Variants in DMWD observed in about 807,000 individuals in gnomAD.
DMWD encodes DM1 locus, WD repeat containing, also known as dystrophia myotonica WD repeat-containing protein.
A neutral mutation model predicts 45.8 loss-of-function variants in DMWD; 19 were observed. That is an observed-to-expected ratio of 0.41 (90% confidence interval 0.29 to 0.61). The LOEUF is 0.61. DMWD is among the 20% of genes least tolerant of loss of function. The probability of loss-of-function intolerance (pLI) is 0.25; values close to 1 mark genes in which losing one functional copy is unlikely to be tolerated. For synonymous variants in DMWD, 515 were observed against 440.5 expected (o/e 1.17, Z -2.12); for missense variants, 802 against 965.2 (o/e 0.83, Z 2.24).
chr19:45,785,676 G>C lies in DMWD; in HGVS notation c.1820C>G (p.Thr607Arg). Residue 607 changes from threonine (T) to arginine (R), a missense_variant, in exon 3 of 5, where the codon ACA becomes AGA. Thr to Arg is a moderately conservative substitution (Grantham distance 71). This residue lies in a region of DMWD where 303 missense variants were observed against 332.9 expected (regional missense o/e 0.91). Coordinates refer to ENST00000270223, the MANE Select transcript of DMWD (RefSeq NM_004943.2). ...VCKKIAQERL[T>R]VLLFLEDCII... is the part of the protein sequence containing the mutation. Reference sequence around the variant, plus strand: ...GCAGTCCTCCAGGAACAGGAGGACTGTGAGCCGCTCCTGGGCGATCTTCTT... The same window carrying C: ...GCAGTCCTCCAGGAACAGGAGGACTCTGAGCCGCTCCTGGGCGATCTTCTT... 6.3e-7 allele frequency: 1 copy of C among 1,593,366 alleles called. No homozygotes were observed.
In DMWD at chr19:45,785,382, C is replaced by G. The variant is rs1014099724; in HGVS notation, c.1902+212G>C. Reference sequence around the variant, plus strand: ...AATTCCTAGCTGGCTCTCACACCCACCCCTCTTTCTGCTGCCTGCTGCCTA... The same window carrying G: ...AATTCCTAGCTGGCTCTCACACCCAGCCCTCTTTCTGCTGCCTGCTGCCTA... On this transcript the variant is annotated intron_variant, in intron 3 of 4. Coordinates refer to ENST00000270223, the MANE Select transcript of DMWD (RefSeq NM_004943.2). 85 of 1,251,864 alleles carry G rather than the reference C, an allele frequency of 6.8e-5. No individual in the cohort carries two copies. In the African/African-American group the frequency reaches 1.2e-3, roughly 18 times the overall value. The allele number at this position is 1,251,864 out of a possible 1,614,324, so 77.5% of individuals were successfully genotyped here. A position where few individuals can be genotyped will look rare whatever the true frequency, so the allele number is the denominator to read the frequency against.
Position 45,786,596 on chromosome 19 carries a change from G to A in DMWD, c.900C>T (p.Ala300=). 2 of 1,613,870 alleles carry A rather than the reference G, an allele frequency of 1.2e-6. No individual in the cohort carries two copies. The highest frequency in any genetic ancestry group is 1.7e-6 in the Non-Finnish European group (2 of 1,179,886). ...GCAGGCAGCCATCCTGGCTCACACAGGCCAGGTGCCGGCCATCGGGCGAGA... is the reference window on the plus strand; with the variant it reads ...GCAGGCAGCCATCCTGGCTCACACAAGCCAGGTGCCGGCCATCGGGCGAGA... ...FAFSPDGRHL[A]CVSQDGCLRV... Residue 300 remains alanine, a synonymous_variant, in exon 3 of 5, where the codon GCC becomes GCT. Transcript: ENST00000270223.
intron 2 of DMWD, among the ~76,000 whole-genome samples, chr19:45,789,070 C>T (rs1373987870): frequency 6.6e-6 from 1 of 152,176 alleles, no homozygotes; most frequent in African/African-American, 2.4e-5. Flanking sequence ...AGCCCCTTCC[C>T]CACTGCTTCT....
chr19:45,786,223 C>T lies in DMWD; in HGVS notation c.1273G>A (p.Gly425Ser), dbSNP rs1331755248. 6.2e-7 allele frequency: 1 copy of T among 1,611,104 alleles called. No homozygotes were observed. The highest frequency in any genetic ancestry group is 1.3e-5 in the African/African-American group (1 of 74,896). The change falls in exon 3 of 5, where the codon GGC becomes AGC. Residue 425 changes from glycine (G) to serine (S), a missense_variant. By Grantham distance (56) the Gly-to-Ser change is moderately conservative. This residue lies in a region of DMWD where 67 missense variants were observed against 57.9 expected (regional missense o/e 1.16). Transcript: ENST00000270223. ...GAGCCAAAGCGGTAAGTAATGGAGC[C>T]AGCCTTGGGCAGTGGAGAGAGCGGG... ...GAPLSPLPKA[G>S]SITYRFGSAG...
At chr19:45,791,776 TCTC>T (rs774116466) in intron 1 of DMWD, among the ~76,000 whole-genome samples, 3 of 151,876 alleles carry the variant, frequency 2.0e-5, no homozygotes, top group Non-Finnish European at 4.4e-5. Context: ...CGGACGCTCA[TCTC>T]CTCCAGGACC....
At chr19:45,788,252 T>C (rs1450748946) in intron 2 of DMWD, among the ~76,000 whole-genome samples, 1 of 152,224 alleles carries the variant, frequency 6.6e-6, no homozygotes, top group Non-Finnish European at 1.5e-5. Context: ...CACCTGGCAC[T>C]GTCCTGCTCT....
Position 45,786,638 on chromosome 19 carries a change from G to A in DMWD, c.858C>T (p.Pro286=). 1.9e-6 allele frequency: 3 copies of A among 1,612,924 alleles called. No individual in the cohort carries two copies. The highest frequency in any genetic ancestry group is 2.5e-6 in the Non-Finnish European group (3 of 1,179,238). ...PLAKWAVGEG[P]LNEFAFSPDG... is the part of the protein sequence containing the mutation. ...CGGGCGAGAAGGCGAACTCGTTGAG[G>A]GGCCCCTCACCCACCGCCCACTTGG... The change falls in exon 3 of 5, where the codon CCC becomes CCT. Residue 286 remains proline (P), a synonymous_variant. Transcript: ENST00000270223.
rs770709531 is a variant in DMWD, at chr19:45,791,084, T to C, written c.445A>G (p.Ile149Val). 5 of 1,608,620 alleles carry C rather than the reference T, an allele frequency of 3.1e-6. No homozygotes were observed. The highest frequency in any genetic ancestry group is 2.2e-5 in the East Asian group (1 of 44,848). ...GCCRRGSQRS[I>V]DLNKPIDKRI... The stretch of plus-strand genomic sequence containing the variant: ...TTGTCAATTGGCTTGTTGAGGTCAA[T>C]GGACTTGAGGGGTGGGAGAAAAGGA... Residue 149 changes from isoleucine (I) to valine (V), a missense_variant, in exon 2 of 5, where the codon ATT becomes GTT. By Grantham distance (29) the Ile-to-Val change is conservative. Transcript: ENST00000270223.
rs752434753 is a variant in DMWD, at chr19:45,786,252, C to T, written c.1244G>A (p.Gly415Asp). ...CTTGGGCAGTGGAGAGAGCGGGGCG[C>T]CCCCGGCCGAGCCTGTGCCCGCAGC... ...PEAAGTGSAG[G>D]APLSPLPKAG... Residue 415 changes from glycine to aspartate, a missense_variant, in exon 3 of 5, where the codon GGC becomes GAC. Around this residue, in one of 9 missense-constraint regions of DMWD, gnomAD observed 67 missense variants for 57.9 expected, o/e 1.16. Transcript: ENST00000270223. The T allele has an allele frequency of 3.1e-6, 5 of 1,606,610 alleles. 1 individual carries two copies. In the South Asian group the frequency reaches 4.4e-5, roughly 14 times the overall value.
intron 2 of DMWD, among the ~76,000 whole-genome samples, chr19:45,787,521 C>G (rs1249350597): frequency 6.6e-6 from 1 of 152,172 alleles, no homozygotes; most frequent in Non-Finnish European, 1.5e-5. Flanking sequence ...GTCTAACCCT[C>G]CCCCGATCTT....
chr19:45,790,997 C>T lies in DMWD; in HGVS notation c.532G>A (p.Glu178Lys), dbSNP rs760331922. ...AAGCCCACCAGCAGCGAGATGGTCT[C>T]GGTGGCAGCAGTGAACTGGTTGAAA... is the stretch of plus-strand genomic sequence containing the variant. The part of the protein sequence containing the change: ...HDFNQFTAAT[E>K]TISLLVGFSA... The change falls in exon 2 of 5, where the codon GAG becomes AAG. Residue 178 changes from glutamate to lysine, a missense_variant. Physicochemically the swap from Glu to Lys is moderately conservative, Grantham distance 56 (BLOSUM62 1). Coordinates refer to ENST00000270223, the MANE Select transcript of DMWD (RefSeq NM_004943.2). 6.2e-6 allele frequency: 10 copies of T among 1,613,828 alleles called. No homozygotes were observed. The highest frequency in any genetic ancestry group is 5.9e-6 in the Non-Finnish European group (7 of 1,180,006).
Position 45,786,491 on chromosome 19 carries a change from G to A in DMWD, c.1005C>T (p.Ser335=), listed in dbSNP as rs1970280769. The stretch of plus-strand genomic sequence containing the variant: ...CCGTCACCACGTAGCGGCCGTCAGG[G>A]CTCCAGCACACACACAGCAGGCCCC... The part of the protein sequence containing the change: ...YFGGLLCVCW[S]PDGRYVVTGG... Residue 335 remains serine (S), a synonymous_variant, in exon 3 of 5, where the codon AGC becomes AGT. Coordinates refer to ENST00000270223, the MANE Select transcript of DMWD (RefSeq NM_004943.2). 6.2e-7 allele frequency: 1 copy of A among 1,613,206 alleles called. No homozygotes were observed. The highest frequency in any genetic ancestry group is 1.3e-5 in the African/African-American group (1 of 75,038).
rs766736520 is a variant in DMWD at position 45,786,413 on chromosome 19, C to A, written c.1083G>T (p.Val361=). ...TVWSFTEGRV[V]ARGHGHKSWV... ...AGGACTTGTGGCCATGGCCTCGAGC[C>A]ACCACGCGGCCCTCGGTGAAGGACC... The change falls in exon 3 of 5, where the codon GTG becomes GTT. Residue 361 remains valine (V), a synonymous_variant. Transcript: ENST00000270223. The A allele has an allele frequency of 1.2e-6, 2 of 1,613,400 alleles. No homozygotes were observed.
intron 1 of DMWD, among the ~76,000 whole-genome samples, chr19:45,791,308 C>T (rs557808791): frequency 6.6e-6 from 1 of 152,178 alleles, no homozygotes; most frequent in African/African-American, 2.4e-5. Flanking sequence ...CCCCCTTGAC[C>T]ACAGTGCCTC....
chr19:45,786,038 CA>C lies in DMWD; in HGVS notation c.1457del (p.Leu486ArgfsTer173), dbSNP rs1970268046. 1 of 1,537,508 alleles carries C rather than the reference CA, an allele frequency of 6.5e-7. No homozygotes were observed. Among genetic ancestry groups the C allele is most frequent in the Admixed American group, 2.0e-5 (1 of 51,054 alleles). On this transcript the variant is annotated frameshift_variant, in exon 3 of 5. Transcript: ENST00000270223. LOFTEE classifies it high-confidence loss of function. ...SRGGEPGPGP[L>X]PRSLSRSNSL... ...TGTTGGAGCGGGACAGCGAGCGAGG[CA>C]GGGGGCCTGGGCCAGGCTCGCCACC...
intron 2 of DMWD, 65 bp from the exon 3 acceptor site, chr19:45,786,936 C>A (rs1463311092): frequency 7.8e-5 from 121 of 1,543,004 alleles, no homozygotes; most frequent in Non-Finnish European, 9.7e-5. Context: ...TTCTCCCCGA[C>A]CCAAAGTCCC....
chr19:45,789,021 C>T (rs1970320662), intron 2 of DMWD, among the ~76,000 whole-genome samples: 1 of 152,028 alleles, frequency 6.6e-6, no homozygotes, highest in Admixed American at 6.6e-5. Flanking sequence ...TTAGTGAGGG[C>T]TTTCCTGACC....
intron 1 of DMWD, 69 bp from the exon 2 acceptor site, chr19:45,791,156 G>T: frequency 6.8e-7 from 1 of 1,481,000 alleles, no homozygotes; most frequent in Non-Finnish European, 9.1e-7. Context: ...TGTTGAGGTT[G>T]GGGGAAACCA....
intron 2 of DMWD, among the ~76,000 whole-genome samples, chr19:45,787,664 T>C (rs1229685720): frequency 1.3e-5 from 2 of 152,200 alleles, no homozygotes; most frequent in Non-Finnish European, 2.9e-5. Flanking sequence ...CCTGGACAAA[T>C]GAGTGACAAC....
Sources: allele counts gnomAD v4.1 joint callset (sites outside exome capture counted in the v4.1 genomes callset), GRCh38; gene constraint gnomAD v4.1.1; regional missense constraint gnomAD v4.1.1; transcripts MANE v1.5; gene names NCBI Gene and HGNC (gene_info 2026-07-23, HGNC 2026-07-21).